Variants in GBP2 observed in about 807,000 individuals in gnomAD.
The protein encoded by GBP2 is guanylate binding protein 2.
GBP2 carries 54 observed loss-of-function variants against 60.8 expected under a neutral mutation model. The ratio of observed to expected loss-of-function variants is 0.89; its 90% CI spans 0.71 to 1.11. GBP2 has a LOEUF of 1.11. Ranked by LOEUF, GBP2 falls within the 50% of genes most tolerant of loss-of-function variation. The pLI is 0.00. For synonymous variants in GBP2, 243 were observed against 256.5 expected, an observed-to-expected ratio of 0.95 and a Z score of 0.50; for missense variants, 665 against 703.3, an observed-to-expected ratio of 0.95 and a Z score of 0.62.
intron 10 of GBP2, among the ~76,000 whole-genome samples, chr1:89,108,987 C>G (rs141969433): frequency 6.6e-6 from 1 of 151,916 alleles, no homozygotes. Flanking sequence ...CCCCCGCCTC[C>G]CAGGTTCAAG....
intron 7 of GBP2, 103 bp downstream of exon 7, chr1:89,113,913 G>A (rs1160756726): frequency 1.6e-6 from 2 of 1,280,390 alleles, no homozygotes; most frequent in African/African-American, 1.5e-5. Flanking sequence ...TTTCAAATAT[G>A]TACACATAAC....
chr1:89,114,626 A>G (rs568581554), intron 6 of GBP2, among the ~76,000 whole-genome samples: 6 of 152,352 alleles, frequency 3.9e-5, no homozygotes, highest in Non-Finnish European at 8.8e-5. Flanking sequence ...AAAGTCAATG[A>G]GAAAACTTAG....
chr1:89,106,706 G>A lies in GBP2; in HGVS notation c.*1469C>T, dbSNP rs1338193602. 5 of 152,162 alleles carry A rather than the reference G, an allele frequency of 3.3e-5. No individual in the cohort carries two copies. Among genetic ancestry groups the A allele is most frequent in the Admixed American group, 2.0e-4 (3 of 15,278 alleles). 9.4% of individuals were successfully genotyped at this position (152,162 alleles called of 1,614,324 possible). On this transcript the variant is annotated 3_prime_UTR_variant, in exon 11 of 11. Transcript: ENST00000370466. ...TTAGTTTCTTCCTCCAAAAGTAGAAGACAAAAATACTCTAATTCTCAGACT... is the reference window on the plus strand; with the variant it reads ...TTAGTTTCTTCCTCCAAAAGTAGAAAACAAAAATACTCTAATTCTCAGACT...
chr1:89,123,052 C>T (rs1681440425), intron 1 of GBP2, among the ~76,000 whole-genome samples: 1 of 152,094 alleles, frequency 6.6e-6, no homozygotes, highest in Non-Finnish European at 1.5e-5. Flanking sequence ...CTCAACTCGT[C>T]CCAGATTAGT....
intron 4 of GBP2, chr1:89,118,604 T>G (rs774813725): frequency 1.3e-5 from 2 of 152,094 alleles, no homozygotes; most frequent in African/African-American, 4.8e-5. Flanking sequence ...CAAGTGTGTA[T>G]GCCAAAACAA....
chr1:89,110,054 A>G, intron 9 of GBP2, 110 bp downstream of exon 9: 2 of 970,282 alleles, frequency 2.1e-6, no homozygotes, highest in Non-Finnish European at 3.1e-6. Flanking sequence ...TAGAACTATG[A>G]ATGATACTTG....
intron 4 of GBP2, chr1:89,118,882 A>G (rs1329120): frequency 0.62 from 93,632 of 152,044 alleles, 29,737 homozygotes; most frequent in East Asian, 0.78. Flanking sequence ...TTTGGACAGG[A>G]AAATTAAGTT....
At chr1:89,112,091 A>G (rs1681178171) in intron 8 of GBP2, among the ~76,000 whole-genome samples, 1 of 152,180 alleles carries the variant, frequency 6.6e-6, no homozygotes, top group Non-Finnish European at 1.5e-5. Flanking sequence ...GTTAACTGTT[A>G]TTATTATTTG....
chr1:89,112,944 T>C (rs1346934453), intron 7 of GBP2: 5 of 485,918 alleles, frequency 1.0e-5, no homozygotes, highest in Non-Finnish European at 1.9e-5. Flanking sequence ...GCACATACAC[T>C]ATTTCATACG....
In GBP2 at chr1:89,113,426, C is replaced by G. The variant is rs543518002; in HGVS notation, c.1149+590G>C. Among the ~76,000 whole-genome samples, 4 of 152,318 alleles carry G rather than the reference C, an allele frequency of 2.6e-5. No homozygotes were observed. The South Asian group carries it at 8.3e-4, about 32-fold the overall frequency. On this transcript the variant is annotated intron_variant, in intron 7 of 10. Transcript: ENST00000370466. ...GGTGACAATTGCTGACATCGGCTAT[C>G]TAGCTTCACCAGAACCTCTGACTGT...
chr1:89,108,422 C>T, intron 10 of GBP2, 131 bp from the exon 11 acceptor site: 1 of 497,402 alleles, frequency 2.0e-6, no homozygotes, highest in Non-Finnish European at 3.5e-6. Context: ...CCTATACCTG[C>T]CAATAATTTT....
chr1:89,116,560 T>C (rs2100615912), intron 6 of GBP2, among the ~76,000 whole-genome samples: 1 of 152,252 alleles, frequency 6.6e-6, no homozygotes, highest in Middle Eastern at 3.4e-3. Context: ...ATCATTATAC[T>C]CAGTGGTTGG....
In GBP2 at chr1:89,106,668, A is replaced by T. The variant is rs187328133; in HGVS notation, c.*1507T>A. ...ACTGGTTGACTAAACATACAGGAAAATTTCCCACGTTATTAGTTTCTTCCT... is the reference window on the plus strand; with the variant it reads ...ACTGGTTGACTAAACATACAGGAAATTTTCCCACGTTATTAGTTTCTTCCT... On this transcript the variant is annotated 3_prime_UTR_variant, in exon 11 of 11. Transcript: ENST00000370466. 6.4e-4 allele frequency: 97 copies of T among 152,316 alleles called. No individual in the cohort carries two copies. Among genetic ancestry groups the T allele is most frequent in the Middle Eastern group, 3.4e-3 (1 of 294 alleles). 9.4% of individuals were successfully genotyped at this position (152,316 alleles called of 1,614,324 possible). A position where few individuals can be genotyped will look rare whatever the true frequency, so the allele number is the denominator to read the frequency against.
intron 10 of GBP2, 99 bp downstream of exon 10, chr1:89,109,578 G>C: frequency 1.0e-6 from 1 of 972,322 alleles, no homozygotes. Context: ...TAGTGTCTGG[G>C]CTAGAAAGTT....
At chr1:89,110,934 A>G (rs757371914) in intron 8 of GBP2, among the ~76,000 whole-genome samples, 1 of 152,212 alleles carries the variant, frequency 6.6e-6, no homozygotes, top group African/African-American at 2.4e-5. Context: ...CAAATTCAAC[A>G]ATACATTAAA....
At chr1:89,119,023 G>C (rs1039004501) in intron 4 of GBP2, 3 of 152,188 alleles carry the variant, frequency 2.0e-5, no homozygotes, top group Admixed American at 6.5e-5. Flanking sequence ...AAACATATTG[G>C]TGCTACTGAA....
chr1:89,113,422 C>T lies in GBP2; in HGVS notation c.1149+594G>A, dbSNP rs184847565. Among the ~76,000 whole-genome samples the T allele has an allele frequency of 3.3e-4, 51 of 152,308 alleles. No homozygotes were observed. In the East Asian group the frequency reaches 3.7e-3, roughly 11 times the overall value. ...GAAGGGTGACAATTGCTGACATCGG[C>T]TATCTAGCTTCACCAGAACCTCTGA... On this transcript the variant is annotated intron_variant, in intron 7 of 10. Transcript: ENST00000370466.
rs1681219430 is a variant in GBP2 at position 89,114,047 on chromosome 1, T to A, written c.1118A>T (p.Asp373Val). The A allele has an allele frequency of 3.7e-6, 6 of 1,614,234 alleles. No individual in the cohort carries two copies. Among genetic ancestry groups the A allele is most frequent in the Non-Finnish European group, 5.1e-6 (6 of 1,180,050 alleles). The change falls in exon 7 of 11, where the codon GAT becomes GTT. Residue 373 changes from aspartate (D) to valine (V), a missense_variant. Coordinates refer to ENST00000370466, the MANE Select transcript of GBP2 (RefSeq NM_004120.5). The part of the protein sequence containing the change: ...IEVFMKNSFK[D>V]VDQMFQRKLG... ...TTTCCTCTGGAACATTTGGTCCACA[T>A]CCTTGAAAGAGTTCTTCATGAAGAC...
chr1:89,124,210 G>A (rs1422351126), intron 1 of GBP2, among the ~76,000 whole-genome samples: 1 of 152,172 alleles, frequency 6.6e-6, no homozygotes, highest in Non-Finnish European at 1.5e-5. Context: ...AACCTTGTGA[G>A]TGTTTATTTT....
Sources: allele counts gnomAD v4.1 joint callset (sites outside exome capture counted in the v4.1 genomes callset), GRCh38; gene constraint gnomAD v4.1.1; transcripts MANE v1.5; gene names NCBI Gene and HGNC (gene_info 2026-07-23, HGNC 2026-07-21).